The following SUGCT variants were observed in gnomAD, a reference collection of about 807,000 sequenced individuals.
The protein encoded by SUGCT is succinyl-CoA:glutarate CoA-transferase.
A neutral mutation model predicts 55.0 loss-of-function variants in SUGCT; 41 were observed. The ratio of observed to expected loss-of-function variants is 0.74; its 90% CI spans 0.58 to 0.97. The LOEUF (loss-of-function observed/expected upper bound fraction) is 0.97, where lower values mean the gene tolerates loss of function less well. Among genes scored for constraint, SUGCT ranks in the 50% least tolerant of loss-of-function variants. The probability of loss-of-function intolerance (pLI) is 0.00; values close to 1 mark genes in which losing one functional copy is unlikely to be tolerated. For missense variants in SUGCT, 568 were observed against 547.8 expected, an observed-to-expected ratio of 1.04 and a Z score of -0.37; for synonymous variants, 187 against 200.4, an observed-to-expected ratio of 0.93 and a Z score of 0.56.
At chr7:40,618,849 T>A (rs1799132547) in intron 12 of SUGCT, among the ~76,000 whole-genome samples, 1 of 152,224 alleles carries the variant, frequency 6.6e-6, no homozygotes, top group Non-Finnish European at 1.5e-5. Flanking sequence ...TTTTTCTGTT[T>A]CTAAATTTTA....
At chr7:40,816,648 A>G (rs560960215) in intron 13 of SUGCT, among the ~76,000 whole-genome samples, 1 of 152,162 alleles carries the variant, frequency 6.6e-6, no homozygotes, top group African/African-American at 2.4e-5. Flanking sequence ...GTTGATCTTT[A>G]TGCATTGTCT....
chr7:40,807,558 A>G (rs1791169236), intron 13 of SUGCT, among the ~76,000 whole-genome samples: 1 of 152,182 alleles, frequency 6.6e-6, no homozygotes, highest in Non-Finnish European at 1.5e-5. Flanking sequence ...GCCCTTGACA[A>G]AGCATCTACA....
At chr7:40,543,519 C>A (rs574228177) in intron 12 of SUGCT, among the ~76,000 whole-genome samples, 1 of 152,248 alleles carries the variant, frequency 6.6e-6, no homozygotes, top group African/African-American at 2.4e-5. Context: ...AAGAACCCTG[C>A]CTTGCAAAAC....
At chr7:40,219,526 A>G (rs1165864582) in intron 6 of SUGCT, among the ~76,000 whole-genome samples, 7 of 152,280 alleles carry the variant, frequency 4.6e-5, no homozygotes, top group Middle Eastern at 6.8e-3. Context: ...AAAGTGTTGT[A>G]ATTGGATGTC....
At chr7:40,961,214 C>A in the SUGCT span, among the ~76,000 whole-genome samples, 993 of 152,252 alleles carry the variant, frequency 6.5e-3, 11 homozygotes, top group African/African-American at 0.023. Context: ...TTACCAAATG[C>A]AATTTAACTG....
chr7:40,900,370 C>T, the SUGCT span, among the ~76,000 whole-genome samples: 1 of 152,232 alleles, frequency 6.6e-6, no homozygotes, highest in African/African-American at 2.4e-5. Flanking sequence ...GACTAAGCCT[C>T]TTTATGCCTT....
intron 12 of SUGCT, among the ~76,000 whole-genome samples, chr7:40,522,751 A>C (rs1157256265): frequency 6.6e-6 from 1 of 152,106 alleles, no homozygotes; most frequent in East Asian, 1.9e-4. Flanking sequence ...TGCAGTTGCT[A>C]TACGAATAAC....
At chr7:40,930,721 TTGTC>T in the SUGCT span, among the ~76,000 whole-genome samples, 3 of 152,208 alleles carry the variant, frequency 2.0e-5, no homozygotes, top group Non-Finnish European at 4.4e-5. Flanking sequence ...GGCTCTCTGT[TTGTC>T]TGTTATTGGT....
chr7:40,156,009 AC>A (rs1783875081), intron 1 of SUGCT, among the ~76,000 whole-genome samples: 1 of 152,016 alleles, frequency 6.6e-6, no homozygotes, highest in African/African-American at 2.4e-5. Flanking sequence ...GGTGTACGCC[AC>A]CATGCCCGGC....
chr7:40,368,418 C>T (rs1313703976), intron 9 of SUGCT, among the ~76,000 whole-genome samples: 1 of 152,106 alleles, frequency 6.6e-6, no homozygotes, highest in East Asian at 1.9e-4. Flanking sequence ...AGACTGGTCT[C>T]GAACTTTTGA....
intron 12 of SUGCT, chr7:40,499,120 G>T: frequency 1.5e-5 from 7 of 456,702 alleles, no homozygotes; most frequent in Non-Finnish European, 3.1e-5. Flanking sequence ...ACTGGCGCGT[G>T]TGGCCCACTC....
At chr7:40,621,902 A>G (rs1249070865) in intron 12 of SUGCT, among the ~76,000 whole-genome samples, 2 of 152,122 alleles carry the variant, frequency 1.3e-5, no homozygotes, top group Non-Finnish European at 2.9e-5. Flanking sequence ...AAATATGATC[A>G]TTATTCTTAC....
At chr7:40,235,535 C>T (rs1002212393) in intron 6 of SUGCT, among the ~76,000 whole-genome samples, 1 of 152,116 alleles carries the variant, frequency 6.6e-6, no homozygotes, top group African/African-American at 2.4e-5. Context: ...CCATGTTGGC[C>T]AGGCTGGTTT....
At chr7:40,966,949 T>G in the SUGCT span, 1 of 152,222 alleles carries the variant, frequency 6.6e-6, no homozygotes, top group Admixed American at 6.5e-5. Context: ...TCTTAGCTCT[T>G]TGTTCACTAT....
intron 12 of SUGCT, among the ~76,000 whole-genome samples, chr7:40,566,411 G>A (rs1796156370): frequency 6.6e-6 from 1 of 152,126 alleles, no homozygotes; most frequent in African/African-American, 2.4e-5. Context: ...CATTTACTTT[G>A]AGGGGTCCCA....
chr7:40,264,359 C>T (rs1409016448), intron 7 of SUGCT, among the ~76,000 whole-genome samples: 4 of 152,086 alleles, frequency 2.6e-5, no homozygotes, highest in Non-Finnish European at 2.9e-5. Context: ...ATGGAATTTC[C>T]TTCAAGTAGG....
chr7:40,295,545 C>T (rs1051889802), intron 8 of SUGCT, among the ~76,000 whole-genome samples: 2 of 152,096 alleles, frequency 1.3e-5, no homozygotes, highest in Non-Finnish European at 2.9e-5. Flanking sequence ...CACTGCACTC[C>T]AGCCTGGGTG....
In SUGCT at chr7:40,746,764, A is replaced by C. The variant is rs569793461; in HGVS notation, c.1090-2670A>C. Among the ~76,000 whole-genome samples, 14 of 152,342 alleles carry C rather than the reference A, an allele frequency of 9.2e-5. No homozygotes were observed. In the East Asian group the frequency reaches 2.7e-3, roughly 29 times the overall value. On this transcript the variant is annotated intron_variant, in intron 12 of 13. Transcript: ENST00000335693. The stretch of plus-strand genomic sequence containing the variant: ...TTTACCAACTACCCTTTCACGTTTG[A>C]CACTTAACGTTTGCTACATGATTAA...
In SUGCT at chr7:40,457,554, AG is replaced by A. The variant is rs374059241; in HGVS notation, c.889-1546del. Among the ~76,000 whole-genome samples the A allele has an allele frequency of 3.2e-4, 48 of 152,290 alleles. No homozygotes were observed. In the East Asian group the frequency reaches 8.7e-3, roughly 28 times the overall value. ...TACATTGTTTTATTTTATCCCAGGC[AG>A]CACTCTTTTTTAATTTAAGCTCCAA... On this transcript the variant is annotated intron_variant, in intron 10 of 13. Coordinates refer to ENST00000335693, the MANE Select transcript of SUGCT (RefSeq NM_001193313.2).
Sources: allele counts gnomAD v4.1 joint callset (sites outside exome capture counted in the v4.1 genomes callset), GRCh38; gene constraint gnomAD v4.1.1; transcripts MANE v1.5; gene names NCBI Gene and HGNC (gene_info 2026-07-23, HGNC 2026-07-21).